Variants in CDK14 observed in about 807,000 individuals in gnomAD.
CDK14 encodes cyclin-dependent kinase 14.
Under a neutral mutation model 60.7 loss-of-function variants are expected in CDK14, and 34 were observed. The ratio of observed to expected loss-of-function variants is 0.56; its 90% CI spans 0.43 to 0.75. CDK14 has a LOEUF of 0.75. Among genes scored for constraint, CDK14 ranks in the 30% least tolerant of loss-of-function variants. CDK14 has a pLI of 0.00. For missense variants in CDK14, 482 were observed against 564.1 expected (o/e 0.85, Z 1.47); for synonymous variants, 197 against 203.7 (o/e 0.97, Z 0.28).
intron 5 of CDK14, among the ~76,000 whole-genome samples, chr7:90,835,596 C>T (rs1790068417): frequency 6.6e-6 from 1 of 152,144 alleles, no homozygotes; most frequent in African/African-American, 2.4e-5. Context: ...ATGATCCTGT[C>T]ATTCTGCAAT....
intron 5 of CDK14, among the ~76,000 whole-genome samples, chr7:90,792,801 G>A (rs1805886303): frequency 6.6e-6 from 1 of 151,646 alleles, no homozygotes; most frequent in African/African-American, 2.4e-5. Context: ...ATCATATTAT[G>A]TCAATCCCCT....
At chr7:91,193,983 T>C (rs1802453605) in intron 14 of CDK14, among the ~76,000 whole-genome samples, 1 of 152,204 alleles carries the variant, frequency 6.6e-6, no homozygotes, top group Non-Finnish European at 1.5e-5. Flanking sequence ...TTTCCCCTAC[T>C]CTGTCTGGTT....
chr7:90,630,993 T>C (rs1799985201), intron 2 of CDK14, among the ~76,000 whole-genome samples: 1 of 152,072 alleles, frequency 6.6e-6, no homozygotes, highest in African/African-American at 2.4e-5. Flanking sequence ...TTGGACTTTA[T>C]GTTGTTTTTC....
chr7:90,864,342 C>T (rs1791105970), intron 6 of CDK14, among the ~76,000 whole-genome samples: 1 of 152,118 alleles, frequency 6.6e-6, no homozygotes, highest in African/African-American at 2.4e-5. Context: ...GATGCAGATT[C>T]ACACATCAAT....
chr7:91,117,994 T>C (rs1799658067), intron 13 of CDK14, 71 bp from the exon 14 acceptor site: 1 of 867,826 alleles, frequency 1.2e-6, no homozygotes, highest in African/African-American at 1.7e-5. Flanking sequence ...CAGTCTCCAT[T>C]TTTTTAAAAA....
chr7:90,613,576 ACTTGGGAGG>A (rs1378131563), intron 2 of CDK14, among the ~76,000 whole-genome samples: 1 of 152,084 alleles, frequency 6.6e-6, no homozygotes, highest in East Asian at 1.9e-4. Context: ...AATCCCAGCT[ACTTGGGAGG>A]CCGAGGCAAG....
At chr7:90,858,704 TG>T (rs1242962961) in intron 5 of CDK14, among the ~76,000 whole-genome samples, 1 of 152,100 alleles carries the variant, frequency 6.6e-6, no homozygotes, top group Non-Finnish European at 1.5e-5. Flanking sequence ...TACCCTGCTG[TG>T]GTTTGAAATA....
At chr7:91,091,917 A>C (rs186386723) in intron 12 of CDK14, among the ~76,000 whole-genome samples, 5 of 152,016 alleles carry the variant, frequency 3.3e-5, no homozygotes, top group African/African-American at 1.2e-4. Flanking sequence ...ACATCAGTAG[A>C]CTGGTTTTTT....
chr7:91,115,175 G>A (rs968407595), intron 13 of CDK14, among the ~76,000 whole-genome samples: 1 of 152,264 alleles, frequency 6.6e-6, no homozygotes, highest in East Asian at 1.9e-4. Flanking sequence ...CAACCAAGCT[G>A]TAGTTTAGGA....
chr7:91,034,911 C>G (rs1407779584), intron 10 of CDK14, among the ~76,000 whole-genome samples: 3 of 149,438 alleles, frequency 2.0e-5, no homozygotes, highest in Non-Finnish European at 3.0e-5. Context: ...AATAGATAAA[C>G]TCACACCTGT....
intron 12 of CDK14, among the ~76,000 whole-genome samples, chr7:91,094,324 T>C (rs1231270201): frequency 1.3e-5 from 2 of 152,212 alleles, no homozygotes; most frequent in African/African-American, 4.8e-5. Flanking sequence ...TTCAGGGATG[T>C]ACTCTAATTT....
chr7:90,976,476 C>T (rs1242433888), intron 9 of CDK14, among the ~76,000 whole-genome samples: 4 of 152,010 alleles, frequency 2.6e-5, no homozygotes, highest in African/African-American at 9.7e-5. Flanking sequence ...CCACCTCAGC[C>T]TCCCCAGTAG....
intron 5 of CDK14, among the ~76,000 whole-genome samples, chr7:90,822,422 C>T (rs1262606869): frequency 6.6e-6 from 1 of 152,080 alleles, no homozygotes; most frequent in Non-Finnish European, 1.5e-5. Context: ...TGCTGTTTCC[C>T]TCTCCTCTTA....
chr7:91,073,869 C>T (rs993411126), intron 11 of CDK14, among the ~76,000 whole-genome samples: 4 of 149,480 alleles, frequency 2.7e-5, no homozygotes, highest in Non-Finnish European at 5.9e-5. Context: ...CTTGACAAAA[C>T]AGACTTTAAA....
At chr7:90,613,358 G>T (rs1222857613) in intron 2 of CDK14, among the ~76,000 whole-genome samples, 2 of 152,154 alleles carry the variant, frequency 1.3e-5, no homozygotes, top group African/African-American at 2.4e-5. Flanking sequence ...TGTAAGGGTG[G>T]TTAGTGTTCC....
chr7:90,967,172 A>G (rs1794777232), intron 9 of CDK14, among the ~76,000 whole-genome samples: 1 of 137,426 alleles, frequency 7.3e-6, no homozygotes. Context: ...GGAGGGAAGG[A>G]AGGAGGGAAG....
chr7:91,123,978 G>A (rs43001), intron 14 of CDK14, among the ~76,000 whole-genome samples: 1 of 151,948 alleles, frequency 6.6e-6, no homozygotes, highest in Non-Finnish European at 1.5e-5. Context: ...GCTGAACTTC[G>A]TGTGTTCAAG....
intron 14 of CDK14, among the ~76,000 whole-genome samples, chr7:91,122,579 T>C (rs1799813044): frequency 6.6e-6 from 1 of 152,196 alleles, no homozygotes; most frequent in Admixed American, 6.5e-5. Context: ...CCTATTGCTC[T>C]CCTCCATGCT....
intron 2 of CDK14, among the ~76,000 whole-genome samples, chr7:90,656,236 A>G (rs1426191354): frequency 6.6e-6 from 1 of 152,168 alleles, no homozygotes; most frequent in Non-Finnish European, 1.5e-5. Flanking sequence ...ACAATGGGGA[A>G]TGTTTCACTT....
Sources: gnomAD v4.1 joint callset for allele counts (sites outside exome capture counted in the v4.1 genomes callset) on GRCh38, gnomAD v4.1.1 for gene constraint, MANE v1.5 for transcripts, NCBI Gene and HGNC (gene_info 2026-07-23, HGNC 2026-07-21) for gene names.